The following PUM2 variants were observed in gnomAD, a reference collection of about 807,000 sequenced individuals.
The protein encoded by PUM2 is pumilio homolog 2.
In PUM2, 57 loss-of-function variants were observed where a neutral mutation model predicts 124.5. That is an observed-to-expected ratio of 0.46 (90% CI 0.37 to 0.57). The LOEUF is 0.57. Among genes scored for constraint, PUM2 ranks in the 20% least tolerant of loss-of-function variants. The probability of loss-of-function intolerance (pLI) is 0.00; values close to 1 mark genes in which losing one functional copy is unlikely to be tolerated. For synonymous variants in PUM2, 460 were observed against 446.1 expected (o/e 1.03, Z -0.39); for missense variants, 1,065 against 1,290.6 (o/e 0.83, Z 2.68).
intron 1 of PUM2, 141 bp from the exon 2 acceptor site, chr2:20,327,519 G>C: frequency 1.7e-6 from 1 of 575,856 alleles, no homozygotes; most frequent in African/African-American, 1.9e-5. Flanking sequence ...GGGAAGACAG[G>C]TTTTCCCAGT....
chr2:20,329,728 T>C (rs1684496238), intron 1 of PUM2, among the ~76,000 whole-genome samples: 1 of 152,172 alleles, frequency 6.6e-6, no homozygotes, highest in African/African-American at 2.4e-5. Flanking sequence ...CTGGGCTTGC[T>C]GAAAATTTAA....
At chr2:20,282,807 TCCTACAAA>T in intron 12 of PUM2, 132 bp downstream of exon 12, 1 of 983,824 alleles carries the variant, frequency 1.0e-6, no homozygotes, top group African/African-American at 1.6e-5. Context: ...GATTTTTTTT[TCCTACAAA>T]TTAAACCAGT....
chr2:20,311,384 T>G, intron 5 of PUM2, 110 bp downstream of exon 5: 1 of 1,259,272 alleles, frequency 7.9e-7, no homozygotes, highest in Non-Finnish European at 1.1e-6. Flanking sequence ...TAACACAAAG[T>G]TCAAAGGAAA....
intron 13 of PUM2, among the ~76,000 whole-genome samples, chr2:20,276,178 T>C (rs1670209838): frequency 1.3e-5 from 2 of 152,012 alleles, no homozygotes; most frequent in Admixed American, 1.3e-4. Flanking sequence ...GAAATTCTTA[T>C]ACTTCAACCC....
intron 7 of PUM2, among the ~76,000 whole-genome samples, chr2:20,307,236 T>A (rs1258322219): frequency 2.6e-5 from 4 of 151,626 alleles, no homozygotes; most frequent in African/African-American, 9.7e-5. Flanking sequence ...ACAAAAAAAC[T>A]GAAAAATAAA....
At chr2:20,336,748 CTGTGTGTGTGTGTGTG>C (rs70939037) in intron 1 of PUM2, among the ~76,000 whole-genome samples, 3,005 of 97,442 alleles carry the variant, frequency 0.031, 85 homozygotes, top group East Asian at 0.13. Flanking sequence ...CCAGGCTGAT[CTGTGTGTGTGTGTGTG>C]TGTGTGTGTG....
chr2:20,284,458 T>C (rs1047579153), intron 10 of PUM2, among the ~76,000 whole-genome samples: 3 of 152,252 alleles, frequency 2.0e-5, no homozygotes, highest in African/African-American at 7.2e-5. Context: ...TGGGCTTACA[T>C]GATCCTCCCG....
intron 1 of PUM2, among the ~76,000 whole-genome samples, chr2:20,335,386 T>C (rs1405337579): frequency 3.3e-5 from 5 of 152,230 alleles, no homozygotes; most frequent in Non-Finnish European, 7.3e-5. Context: ...TTTTTCTCAT[T>C]CACATGACAA....
intron 20 of PUM2, among the ~76,000 whole-genome samples, chr2:20,253,316 C>T (rs1572514593): frequency 1.3e-5 from 2 of 152,146 alleles, no homozygotes; most frequent in Non-Finnish European, 2.9e-5. Flanking sequence ...GGCGATCCTC[C>T]CATCTCAGCT....
chr2:20,332,105 A>C (rs1558664598), intron 1 of PUM2, among the ~76,000 whole-genome samples: 1 of 152,232 alleles, frequency 6.6e-6, no homozygotes, highest in Non-Finnish European at 1.5e-5. Flanking sequence ...GCCATGCAAA[A>C]ACAGGTGATG....
intron 1 of PUM2, among the ~76,000 whole-genome samples, chr2:20,343,124 G>T (rs1380427403): frequency 7.1e-6 from 1 of 141,166 alleles, no homozygotes; most frequent in Non-Finnish European, 1.6e-5. Flanking sequence ...ATTTTTAAAA[G>T]AGTCTGTGTT....
intron 5 of PUM2, among the ~76,000 whole-genome samples, 155 bp downstream of exon 5, chr2:20,311,339 T>C (rs1203783898): frequency 1.3e-5 from 2 of 152,140 alleles, no homozygotes; most frequent in African/African-American, 4.8e-5. Context: ...AATCACAAAT[T>C]TTCTTTATAG....
intron 10 of PUM2, among the ~76,000 whole-genome samples, chr2:20,290,267 TCTG>T (rs1673706441): frequency 6.6e-6 from 1 of 152,226 alleles, no homozygotes. Context: ...GCGGCAAACT[TCTG>T]CTATTAACTA....
intron 3 of PUM2, among the ~76,000 whole-genome samples, chr2:20,316,668 G>A (rs965766329): frequency 6.6e-6 from 1 of 152,186 alleles, no homozygotes; most frequent in African/African-American, 2.4e-5. Flanking sequence ...AGGATCACTT[G>A]AGGGCAGAAG....
intron 13 of PUM2, among the ~76,000 whole-genome samples, chr2:20,273,808 G>T (rs1669569463): frequency 6.6e-6 from 1 of 152,040 alleles, no homozygotes; most frequent in Admixed American, 6.6e-5. Context: ...CAAATAAGAA[G>T]TACAAATATA....
rs921599065 is a variant in PUM2 at position 20,250,127 on chromosome 2, T to TC, written c.*1457dup. 53 of 152,544 alleles carry TC rather than the reference T, an allele frequency of 3.5e-4. No individual in the cohort carries two copies. Among genetic ancestry groups the TC allele is most frequent in the African/African-American group, 1.3e-3 (52 of 41,428 alleles). 9.4% of individuals were successfully genotyped at this position (152,544 alleles called of 1,614,324 possible). On this transcript the variant is annotated 3_prime_UTR_variant, in exon 21 of 21. Transcript: ENST00000361078. ...CATTGGCCTCCATGGTAACCAAATA[T>TC]CTCAGTCCAATACTTTCTATTATGC...
At chr2:20,342,250 C>T (rs1687376305) in intron 1 of PUM2, among the ~76,000 whole-genome samples, 1 of 152,094 alleles carries the variant, frequency 6.6e-6, no homozygotes, top group Non-Finnish European at 1.5e-5. Flanking sequence ...AAGAAGCAGA[C>T]TTTAATGCAG....
chr2:20,330,096 T>C (rs1281579642), intron 1 of PUM2, among the ~76,000 whole-genome samples: 1 of 151,720 alleles, frequency 6.6e-6, no homozygotes, highest in African/African-American at 2.4e-5. Context: ...AAAAACAACA[T>C]ATTACATAAA....
At chr2:20,318,747 A>G (rs1210431183) in intron 2 of PUM2, 102 bp from the exon 3 acceptor site, 10 of 701,074 alleles carry the variant, frequency 1.4e-5, no homozygotes, top group Admixed American at 3.0e-5. Context: ...TTAGTTTTCA[A>G]TGCTAATGAA....
Sources: allele counts gnomAD v4.1 joint callset (sites outside exome capture counted in the v4.1 genomes callset), GRCh38; gene constraint gnomAD v4.1.1; transcripts MANE v1.5; gene names NCBI Gene and HGNC (gene_info 2026-07-23, HGNC 2026-07-21).